EVI5: variants seen among roughly 807,000 people sequenced by gnomAD.
The protein encoded by EVI5 is ecotropic viral integration site 5.
A neutral mutation model predicts 112.0 loss-of-function variants in EVI5; 73 were observed. The observed-to-expected ratio is 0.65, with a 90% CI of 0.54 to 0.79. The LOEUF (loss-of-function observed/expected upper bound fraction) is 0.79, where lower values mean the gene tolerates loss of function less well. Among genes scored for constraint, EVI5 ranks in the 30% least tolerant of loss-of-function variants. The pLI is 0.00. For synonymous variants in EVI5, 305 were observed against 319.9 expected (o/e 0.95, Z 0.50); for missense variants, 900 against 968.8 (o/e 0.93, Z 0.94).
intron 14 of EVI5, 47 bp downstream of exon 14, chr1:92,636,155 A>G: frequency 6.6e-7 from 1 of 1,521,282 alleles, no homozygotes; most frequent in Non-Finnish European, 9.0e-7. Flanking sequence ...TAAATATCAC[A>G]TATCCCCTCT....
chr1:92,693,938 G>A, intron 8 of EVI5, 39 bp from the exon 9 acceptor site: 1 of 1,198,478 alleles, frequency 8.3e-7, no homozygotes, highest in Middle Eastern at 2.0e-4. Flanking sequence ...GAATGACTTA[G>A]TGCTGTTAAT....
chr1:92,765,655 G>T (rs1367942094), intron 1 of EVI5, among the ~76,000 whole-genome samples: 1 of 151,892 alleles, frequency 6.6e-6, no homozygotes, highest in Non-Finnish European at 1.5e-5. Context: ...TTTCAACACA[G>T]AATTTTGCTG....
intron 14 of EVI5, among the ~76,000 whole-genome samples, chr1:92,629,971 C>T (rs1188146892): frequency 6.6e-6 from 1 of 152,128 alleles, no homozygotes; most frequent in African/African-American, 2.4e-5. Context: ...CCAGCTTCAT[C>T]CACGTCCCTA....
chr1:92,682,667 A>T (rs548639829), intron 9 of EVI5, among the ~76,000 whole-genome samples: 4 of 152,290 alleles, frequency 2.6e-5, no homozygotes, highest in African/African-American at 9.6e-5. Context: ...CAGGAGGCTG[A>T]GGCTTGAACC....
At chr1:92,550,773 AAAAAAAAAATATATATATATATATAT>A (rs1666698867) in intron 19 of EVI5, among the ~76,000 whole-genome samples, 2 of 56,804 alleles carry the variant, frequency 3.5e-5, no homozygotes, top group African/African-American at 1.6e-4. Flanking sequence ...AAAAAAAAAA[AAAAAAAAAATATATATATATATATAT>A]ATATATATAT....
chr1:92,770,425 T>C (rs1163405479), intron 1 of EVI5, among the ~76,000 whole-genome samples: 9 of 152,226 alleles, frequency 5.9e-5, no homozygotes, highest in Admixed American at 2.0e-4. Flanking sequence ...CATGTGTACG[T>C]TTCTCTAGGA....
intron 1 of EVI5, among the ~76,000 whole-genome samples, chr1:92,737,751 G>C (rs1408025885): frequency 6.6e-6 from 1 of 152,068 alleles, no homozygotes; most frequent in East Asian, 1.9e-4. Context: ...CAATTTAGCA[G>C]GGAAATTCCA....
intron 1 of EVI5, among the ~76,000 whole-genome samples, chr1:92,770,649 G>T (rs1191031016): frequency 6.6e-6 from 1 of 151,800 alleles, no homozygotes; most frequent in Non-Finnish European, 1.5e-5. Flanking sequence ...AATTAGCCGG[G>T]CGTGGTGGCA....
chr1:92,525,267 C>CTT (rs745392747), intron 19 of EVI5, among the ~76,000 whole-genome samples: 76,167 of 104,022 alleles, frequency 0.73, 29,100 homozygotes, highest in South Asian at 0.89. Flanking sequence ...ATGACAATGC[C>CTT]TTTTTTTTTT....
chr1:92,753,266 G>T (rs775097891), intron 1 of EVI5, among the ~76,000 whole-genome samples: 20 of 152,212 alleles, frequency 1.3e-4, no homozygotes, highest in South Asian at 4.1e-4. Flanking sequence ...AAGGCAGGAG[G>T]ATCACTTGAG....
chr1:92,759,562 T>C (rs1393372346), intron 1 of EVI5, among the ~76,000 whole-genome samples: 1 of 152,208 alleles, frequency 6.6e-6, no homozygotes, highest in Non-Finnish European at 1.5e-5. Flanking sequence ...TGTGCAACCA[T>C]CAGCATTCTT....
chr1:92,720,284 G>C (rs1674510582), intron 2 of EVI5, among the ~76,000 whole-genome samples: 1 of 151,908 alleles, frequency 6.6e-6, no homozygotes, highest in Admixed American at 6.5e-5. Flanking sequence ...TACACTACAA[G>C]GCTACAGTAA....
intron 13 of EVI5, among the ~76,000 whole-genome samples, chr1:92,638,820 T>C (rs1360017062): frequency 4.5e-4 from 69 of 152,250 alleles, no homozygotes; most frequent in Admixed American, 4.3e-3. Flanking sequence ...TTAAGCCATA[T>C]AGGTGTTGAA....
intron 18 of EVI5, among the ~76,000 whole-genome samples, chr1:92,567,648 G>A (rs1669701653): frequency 6.6e-6 from 1 of 151,938 alleles, no homozygotes; most frequent in Non-Finnish European, 1.5e-5. Context: ...TATACCATCT[G>A]GGTTTGTGTA....
intron 13 of EVI5, among the ~76,000 whole-genome samples, chr1:92,662,240 A>G (rs1204255380): frequency 1.3e-5 from 2 of 152,196 alleles, no homozygotes; most frequent in Admixed American, 6.5e-5. Flanking sequence ...AGGAAGTCTA[A>G]GCAATAGTAT....
At chr1:92,548,884 A>G (rs563982080) in intron 19 of EVI5, among the ~76,000 whole-genome samples, 2 of 152,330 alleles carry the variant, frequency 1.3e-5, no homozygotes, top group East Asian at 1.9e-4. Flanking sequence ...ATGCTCATGG[A>G]TAGGAAGAAT....
At chr1:92,665,554 G>A (rs998726206) in intron 11 of EVI5, among the ~76,000 whole-genome samples, 15 of 152,110 alleles carry the variant, frequency 9.9e-5, no homozygotes, top group African/African-American at 3.6e-4. Flanking sequence ...AGGCCTTAAA[G>A]GAATCACTGC....
intron 18 of EVI5, among the ~76,000 whole-genome samples, chr1:92,584,217 A>C (rs1261563562): frequency 6.6e-6 from 1 of 152,206 alleles, no homozygotes; most frequent in Non-Finnish European, 1.5e-5. Flanking sequence ...ACCTTTTTAG[A>C]GACAATTTAA....
At chr1:92,740,391 C>A (rs1223208552) in intron 1 of EVI5, among the ~76,000 whole-genome samples, 1 of 152,128 alleles carries the variant, frequency 6.6e-6, no homozygotes, top group African/African-American at 2.4e-5. Context: ...CTCCAAAGTA[C>A]CTGCTGTTTA....
Sources: gnomAD v4.1 joint callset for allele counts (sites outside exome capture counted in the v4.1 genomes callset) on GRCh38, gnomAD v4.1.1 for gene constraint, MANE v1.5 for transcripts, NCBI Gene and HGNC (gene_info 2026-07-23, HGNC 2026-07-21) for gene names.